The following TDRD5 variants were observed in gnomAD, a reference collection of about 807,000 sequenced individuals.
TDRD5 encodes the protein tudor domain containing 5.
Under a neutral mutation model 120.6 loss-of-function variants are expected in TDRD5, and 41 were observed. The ratio of observed to expected loss-of-function variants is 0.34; its 90% confidence interval spans 0.26 to 0.44. TDRD5 has a LOEUF of 0.44. TDRD5 is among the 20% of genes least tolerant of loss of function. TDRD5 has a pLI of 1.00. For synonymous variants in TDRD5, 430 were observed against 433.7 expected (o/e 0.99, Z 0.11); for missense variants, 1,006 against 1,221.2 (o/e 0.82, Z 2.63).
intron 15 of TDRD5, among the ~76,000 whole-genome samples, chr1:179,663,078 C>G (rs1038492776): frequency 6.6e-6 from 1 of 151,758 alleles, no homozygotes; most frequent in African/African-American, 2.4e-5. Flanking sequence ...ACTAGGTGAT[C>G]ATGAAAAAAA....
chr1:179,681,349 C>G (rs1024422850), intron 17 of TDRD5, among the ~76,000 whole-genome samples: 3 of 152,130 alleles, frequency 2.0e-5, no homozygotes, highest in African/African-American at 7.2e-5. Flanking sequence ...TCCTTTTTCC[C>G]ATGCCAGCCT....
intron 1 of TDRD5, chr1:179,592,375 T>C (rs1303874137): frequency 4.2e-6 from 2 of 471,052 alleles, no homozygotes; most frequent in Non-Finnish European, 7.7e-6. Flanking sequence ...CGCCTCCGCA[T>C]GGCCAGGGGC....
At chr1:179,625,683 G>C (rs1440777635) in intron 6 of TDRD5, among the ~76,000 whole-genome samples, 2 of 152,124 alleles carry the variant, frequency 1.3e-5, no homozygotes. Flanking sequence ...TGTCCTCAAA[G>C]ACTTATATGA....
chr1:179,601,551 A>G (rs973214066), intron 4 of TDRD5, among the ~76,000 whole-genome samples: 1 of 152,212 alleles, frequency 6.6e-6, no homozygotes, highest in Non-Finnish European at 1.5e-5. Context: ...CACTCAGAAT[A>G]ATAGTCTCCA....
intron 9 of TDRD5, among the ~76,000 whole-genome samples, chr1:179,637,336 A>C (rs1446229111): frequency 6.6e-6 from 1 of 152,124 alleles, no homozygotes; most frequent in East Asian, 1.9e-4. Context: ...AAGTTACTTT[A>C]CTTCTCTGGG....
intron 14 of TDRD5, among the ~76,000 whole-genome samples, chr1:179,660,947 A>G (rs1250094609): frequency 6.6e-6 from 1 of 152,214 alleles, no homozygotes; most frequent in African/African-American, 2.4e-5. Context: ...TTTTGGCTGT[A>G]TATAGAAACC....
rs981079391 is a variant in TDRD5, at chr1:179,625,255, A to C, written c.972+4164A>C. ...ACTTCCAGGTGAATTAAAATATATT[A>C]ATGACCTGGACAGGCAAAGCTTTCT... is the stretch of plus-strand genomic sequence containing the variant. On this transcript the variant is annotated intron_variant, in intron 6 of 17. Coordinates refer to ENST00000444136, the MANE Select transcript of TDRD5 (RefSeq NM_001199085.3). Among the ~76,000 whole-genome samples the C allele has an allele frequency of 2.6e-4, 40 of 152,314 alleles. 1 individual carries two copies. The highest frequency in any genetic ancestry group is 2.0e-3 in the Admixed American group (30 of 15,304).
chr1:179,595,351 C>T (rs537554225), intron 3 of TDRD5, among the ~76,000 whole-genome samples: 1 of 152,186 alleles, frequency 6.6e-6, no homozygotes, highest in Admixed American at 6.5e-5. Context: ...TTGAATCCCA[C>T]CTCTCTATAA....
intron 11 of TDRD5, among the ~76,000 whole-genome samples, chr1:179,643,723 C>G (rs1439006148): frequency 6.6e-6 from 1 of 151,854 alleles, no homozygotes; most frequent in Non-Finnish European, 1.5e-5. Flanking sequence ...TATCGGGTAC[C>G]CCAACAGGTA....
chr1:179,673,123 T>G (rs140117381), intron 17 of TDRD5, among the ~76,000 whole-genome samples: 2,647 of 152,310 alleles, frequency 0.017, 55 homozygotes, highest in African/African-American at 0.059. Context: ...TTTTTTCTAG[T>G]TCTGTGATGA....
At chr1:179,646,708 C>T (rs891785183) in intron 11 of TDRD5, among the ~76,000 whole-genome samples, 5 of 152,164 alleles carry the variant, frequency 3.3e-5, no homozygotes, top group South Asian at 2.1e-4. Context: ...GAAAACCCCA[C>T]TGTCTCAGCC....
At chr1:179,690,578 G>T in intron 17 of TDRD5, 118 bp from the exon 18 acceptor site, 1 of 1,394,768 alleles carries the variant, frequency 7.2e-7, no homozygotes. Flanking sequence ...ATTGGTAATT[G>T]TCGCTACCTA....
chr1:179,599,191 C>T (rs1287448964), intron 4 of TDRD5, among the ~76,000 whole-genome samples: 1 of 151,916 alleles, frequency 6.6e-6, no homozygotes, highest in Admixed American at 6.6e-5. Flanking sequence ...TGGATGAATC[C>T]TGCTTGGTCA....
chr1:179,601,257 TTTTG>T (rs1304992166), intron 4 of TDRD5, among the ~76,000 whole-genome samples: 2 of 152,250 alleles, frequency 1.3e-5, no homozygotes, highest in Non-Finnish European at 2.9e-5. Flanking sequence ...TTTTTTGGGT[TTTTG>T]TTTGTTTGTT....
At position 179,675,270 on chromosome 1, in the gene TDRD5, A is replaced by ATTTTTTT. The variant is rs879312785; in HGVS notation, c.2860+5868_2860+5869insTTTTTTT. 3.9e-3 allele frequency among the ~76,000 whole-genome samples: 228 copies of ATTTTTTT among 59,160 alleles called. 11 individuals are homozygous for ATTTTTTT. The highest frequency in any genetic ancestry group is 7.1e-3 in the African/African-American group (128 of 17,914). The allele number at this position is 59,160 out of a possible 152,430, so 38.8% of individuals were successfully genotyped here. A position where few individuals can be genotyped will look rare whatever the true frequency, so the allele number is the denominator to read the frequency against. ...TCAAAGAATTTTTATTATTATTATT[A>ATTTTTTT]TTATTTTTTTTTTTTTTTTTTTTTT... On this transcript the variant is annotated intron_variant, in intron 17 of 17. Transcript: ENST00000444136.
In TDRD5 at chr1:179,593,848, G is replaced by C; in HGVS notation, c.621G>C (p.Lys207Asn). 1.2e-6 allele frequency: 2 copies of C among 1,613,214 alleles called. No individual in the cohort carries two copies. The highest frequency in any genetic ancestry group is 1.7e-6 in the Non-Finnish European group (2 of 1,179,328). ...TAAAGAAGAGTGTAACAGAGGAAAA[G>C]CCGAGAGGATGTCCAGCAGGTACGC... is the stretch of plus-strand genomic sequence containing the variant. ...LMLKKSVTEEKPRGCPAGKIF... is the reference protein window; with the variant it reads ...LMLKKSVTEENPRGCPAGKIF... Residue 207 changes from lysine (K) to asparagine (N), a missense_variant, in exon 3 of 18, where the codon AAG (lysine) becomes AAC (asparagine). Transcript: ENST00000444136.
intron 9 of TDRD5, 53 bp from the exon 10 acceptor site, chr1:179,639,786 A>G: frequency 6.4e-7 from 1 of 1,565,118 alleles, no homozygotes; most frequent in Non-Finnish European, 8.7e-7. Context: ...GATAAAAATT[A>G]TCTTTAATTT....
intron 16 of TDRD5, among the ~76,000 whole-genome samples, chr1:179,666,355 A>G (rs1010247396): frequency 3.3e-5 from 5 of 152,198 alleles, no homozygotes; most frequent in Non-Finnish European, 5.9e-5. Flanking sequence ...GTTCTGATGA[A>G]TATCTATTTT....
At chr1:179,673,550 A>G (rs985904507) in intron 17 of TDRD5, among the ~76,000 whole-genome samples, 3 of 152,220 alleles carry the variant, frequency 2.0e-5, no homozygotes, top group Non-Finnish European at 4.4e-5. Flanking sequence ...CAATCAATAT[A>G]TGTAAGAAGT....
Sources: allele counts gnomAD v4.1 joint callset (sites outside exome capture counted in the v4.1 genomes callset), GRCh38; gene constraint gnomAD v4.1.1; transcripts MANE v1.5; gene names NCBI Gene and HGNC (gene_info 2026-07-23, HGNC 2026-07-21).